Variants in SEPTIN9 observed in about 807,000 individuals in gnomAD.
SEPTIN9 encodes septin-9.
SEPTIN9 carries 13 observed loss-of-function variants against 56.6 expected under a neutral mutation model. The ratio of observed to expected loss-of-function variants is 0.23; its 90% CI spans 0.15 to 0.37. The LOEUF (loss-of-function observed/expected upper bound fraction) is 0.37. SEPTIN9 is among the 10% of genes least tolerant of loss of function. The pLI is 1.00. For synonymous variants in SEPTIN9, 332 were observed against 334.1 expected (o/e 0.99, Z 0.07); for missense variants, 650 against 823.1 (o/e 0.79, Z 2.57).
At chr17:77,443,203 G>A (rs2037614397) in intron 3 of SEPTIN9, among the ~76,000 whole-genome samples, 1 of 152,144 alleles carries the variant, frequency 6.6e-6, no homozygotes, top group Admixed American at 6.5e-5. Flanking sequence ...TGTATTGAGT[G>A]TTGAGGATCC....
Position 77,445,406 on chromosome 17 carries a change from A to G in SEPTIN9, c.722-36738A>G, listed in dbSNP as rs1038527151. ...GGGGTGTTGCCCAGGATGGATTGGAAAAGAGTTGGCAGGAAGGCTGAGCTC... is the reference window on the plus strand; with the variant it reads ...GGGGTGTTGCCCAGGATGGATTGGAGAAGAGTTGGCAGGAAGGCTGAGCTC... On this transcript the variant is annotated intron_variant, in intron 3 of 11. Coordinates refer to ENST00000427177, the MANE Select transcript of SEPTIN9 (RefSeq NM_001113491.2). The surrounding 1 kb of genome is among the most constrained non-coding windows in gnomAD (Gnocchi z 4.7). 1 of 468,646 alleles carries G rather than the reference A, an allele frequency of 2.1e-6. No homozygotes were observed. Among genetic ancestry groups the G allele is most frequent in the Non-Finnish European group, 4.4e-6 (1 of 227,010 alleles). The allele number at this position is 468,646 out of a possible 1,614,324, so 29.0% of individuals were successfully genotyped here.
At chr17:77,497,717 C>T (rs998712819) in intron 11 of SEPTIN9, 6 of 409,666 alleles carry the variant, frequency 1.5e-5, no homozygotes, top group Admixed American at 3.6e-5. Context: ...TCTCCAGCTC[C>T]GATCCCACTG....
At chr17:77,320,480 G>A in intron 2 of SEPTIN9, 1 of 856,212 alleles carries the variant, frequency 1.2e-6, no homozygotes, top group South Asian at 1.4e-5. Context: ...TTTTCTTTTT[G>A]ACGGTTCCAA....
intron 7 of SEPTIN9, among the ~76,000 whole-genome samples, chr17:77,489,667 A>C (rs2039943342): frequency 6.6e-6 from 1 of 152,136 alleles, no homozygotes. Flanking sequence ...TGGGGAAACC[A>C]TACTCTGTGG....
Position 77,399,558 on chromosome 17 carries a change from A to G in SEPTIN9, c.77-2501A>G, listed in dbSNP as rs1226575074. 1.3e-4 allele frequency among the ~76,000 whole-genome samples: 20 copies of G among 152,176 alleles called. 1 individual carries two copies. The highest frequency in any genetic ancestry group is 1.3e-3 in the Admixed American group (20 of 15,284). ...GCACTTTCTGGCATCAGCCCGATGTACAGTCTGGCTCTGTGTCTACCCCGT... is the reference window on the plus strand; with the variant it reads ...GCACTTTCTGGCATCAGCCCGATGTGCAGTCTGGCTCTGTGTCTACCCCGT... On this transcript the variant is annotated intron_variant, in intron 2 of 11. Transcript: ENST00000427177.
intron 3 of SEPTIN9, among the ~76,000 whole-genome samples, chr17:77,427,945 C>T (rs997379287): frequency 1.3e-5 from 2 of 152,230 alleles, no homozygotes; most frequent in African/African-American, 2.4e-5. Flanking sequence ...AACCAGCGCC[C>T]CTCCCCAGGC....
chr17:77,466,253 C>T lies in SEPTIN9; in HGVS notation c.722-15891C>T, dbSNP rs72887166. ...GTTTGCACTGTAGTCTGTTACCATC[C>T]CTCAGAGATGCAGCCGAGGAGCCCA... On this transcript the variant is annotated intron_variant, in intron 3 of 11. Transcript: ENST00000427177. The T allele has an allele frequency of 7.5e-3, 2,335 of 309,344 alleles. 13 individuals are homozygous for T. The highest frequency in any genetic ancestry group is 0.011 in the South Asian group (90 of 8,002). The allele number at this position is 309,344 out of a possible 1,614,324, so 19.2% of individuals were successfully genotyped here. A position where few individuals can be genotyped will look rare whatever the true frequency, so the allele number is the denominator to read the frequency against.
rs1445615776 is a variant in SEPTIN9 at position 77,450,484 on chromosome 17, GCT to G, written c.722-31654_722-31653del. 6 of 985,260 alleles carry G rather than the reference GCT, an allele frequency of 6.1e-6. No homozygotes were observed. In the African/African-American group the frequency reaches 1.0e-4, roughly 17 times the overall value. The allele number at this position is 985,260 out of a possible 1,614,324, so 61.0% of individuals were successfully genotyped here. Reference sequence around the variant, plus strand: ...CCTCGGAACGAGCCCACTCCCAGGCGCTCTCTCCTAGTGTGGGAGTGGCCACG... The same window carrying G: ...CCTCGGAACGAGCCCACTCCCAGGCGCTCTCCTAGTGTGGGAGTGGCCACG... On this transcript the variant is annotated intron_variant, in intron 3 of 11. Coordinates refer to ENST00000427177, the MANE Select transcript of SEPTIN9 (RefSeq NM_001113491.2). The surrounding 1 kb of genome is among the most constrained non-coding windows in gnomAD (Gnocchi z 6.0).
intron 2 of SEPTIN9, among the ~76,000 whole-genome samples, chr17:77,357,772 A>G (rs988573713): frequency 4.0e-5 from 6 of 151,832 alleles, no homozygotes; most frequent in Admixed American, 6.6e-5. Context: ...CCACCACCAC[A>G]CCCAGCTTCA....
intron 2 of SEPTIN9, among the ~76,000 whole-genome samples, chr17:77,365,419 CT>C (rs1361878474): frequency 2.0e-5 from 3 of 152,016 alleles, no homozygotes; most frequent in African/African-American, 7.2e-5. Context: ...CTCTCTCTCT[CT>C]TTCCCCCTTT....
At position 77,304,833 on chromosome 17, in the gene SEPTIN9, T is replaced by TG. The variant is rs554922893; in HGVS notation, c.20-2307dup. On this transcript the variant is annotated intron_variant, in intron 1 of 11. Coordinates refer to ENST00000427177, the MANE Select transcript of SEPTIN9 (RefSeq NM_001113491.2). ...GGATAGTGACCCCGTGTGCGTTATA[T>TG]GCAGTGCGGCTTCCAGTCGGGTGTG... Among the ~76,000 whole-genome samples the TG allele has an allele frequency of 2.6e-5, 4 of 152,272 alleles. No homozygotes were observed. The South Asian group carries it at 8.3e-4, about 32-fold the overall frequency.
rs2033267350 is a variant in SEPTIN9, at chr17:77,329,507, G to A, written c.76+22310G>A. On this transcript the variant is annotated intron_variant, in intron 2 of 11. Coordinates refer to ENST00000427177, the MANE Select transcript of SEPTIN9 (RefSeq NM_001113491.2). The surrounding 1 kb of genome is among the most constrained non-coding windows in gnomAD (Gnocchi z 4.3). ...CTTGGCCGTGGGTGAGGCCAAGGTG[G>A]TTTGGATCCTGGGAAGGTTGGGTAC... is the stretch of plus-strand genomic sequence containing the variant. 6.6e-6 allele frequency among the ~76,000 whole-genome samples: 1 copy of A among 152,148 alleles called. No individual in the cohort carries two copies. The highest frequency in any genetic ancestry group is 6.5e-5 in the Admixed American group (1 of 15,280).
chr17:77,298,942 G>A (rs2031925763), intron 1 of SEPTIN9, among the ~76,000 whole-genome samples: 1 of 152,172 alleles, frequency 6.6e-6, no homozygotes, highest in Non-Finnish European at 1.5e-5. Flanking sequence ...GCCTCTCAAA[G>A]TGCTGGGATT....
chr17:77,358,212 G>A (rs2034313918), intron 2 of SEPTIN9, among the ~76,000 whole-genome samples: 1 of 152,216 alleles, frequency 6.6e-6, no homozygotes, highest in African/African-American at 2.4e-5. Context: ...ACCTGGCGAT[G>A]TTTTGGGGGT....
At chr17:77,485,035 G>T (rs1439318812) in intron 4 of SEPTIN9, among the ~76,000 whole-genome samples, 1 of 52,410 alleles carries the variant, frequency 1.9e-5, no homozygotes, top group Non-Finnish European at 4.6e-5. Context: ...TGGTGGTGAA[G>T]GGGGTGATGG....
intron 3 of SEPTIN9, chr17:77,428,937 TAAG>T: frequency 2.2e-6 from 1 of 445,364 alleles, no homozygotes; most frequent in Middle Eastern, 3.4e-4. Context: ...TGATATAATG[TAAG>T]AAGCAGACAT....
At chr17:77,350,438 G>T (rs1288790119) in intron 2 of SEPTIN9, among the ~76,000 whole-genome samples, 1 of 152,248 alleles carries the variant, frequency 6.6e-6, no homozygotes, top group Admixed American at 6.5e-5. Context: ...ACTGTTTGCT[G>T]GGGCCTTTCC....
intron 2 of SEPTIN9, among the ~76,000 whole-genome samples, chr17:77,399,266 G>T (rs1057047248): frequency 2.6e-5 from 4 of 152,222 alleles, no homozygotes; most frequent in African/African-American, 9.6e-5. Flanking sequence ...CTCCCAAGGA[G>T]GGGGTTCACC....
At position 77,405,144 on chromosome 17, in the gene SEPTIN9, G is replaced by C; in HGVS notation, c.721+2441G>C. 3 of 1,532,878 alleles carry C rather than the reference G, an allele frequency of 2.0e-6. No homozygotes were observed. The highest frequency in any genetic ancestry group is 2.6e-6 in the Non-Finnish European group (3 of 1,144,440). The allele number at this position is 1,532,878 out of a possible 1,614,324, so 95.0% of individuals were successfully genotyped here. On this transcript the variant is annotated intron_variant, in intron 3 of 11. Coordinates refer to ENST00000427177, the MANE Select transcript of SEPTIN9 (RefSeq NM_001113491.2). This position sits in a 1 kb window ranked among gnomAD's most constrained non-coding sequence, Gnocchi z 5.8. ...TGGTCCTGGCTCTGGGGGACAGGTA[G>C]GGGGATGTCCATGGGGATGTACAAG... is the stretch of plus-strand genomic sequence containing the variant.
Sources: gnomAD v4.1 joint callset for allele counts (sites outside exome capture counted in the v4.1 genomes callset) on GRCh38, gnomAD v4.1.1 for gene constraint, Gnocchi (gnomAD v3.1) non-coding constraint, MANE v1.5 for transcripts, NCBI Gene and HGNC (gene_info 2026-07-23, HGNC 2026-07-21) for gene names.